The following SIM1 variants were observed in gnomAD, a reference collection of about 807,000 sequenced individuals.
The protein encoded by SIM1 is single-minded homolog 1.
A neutral mutation model predicts 78.2 loss-of-function variants in SIM1; 18 were observed. The observed-to-expected ratio is 0.23, with a 90% confidence interval of 0.16 to 0.34. The LOEUF (loss-of-function observed/expected upper bound fraction) is 0.34. Ranked by LOEUF, SIM1 falls within the 10% of genes least tolerant of loss-of-function variation. The pLI, the probability that SIM1 is intolerant of heterozygous loss-of-function variation, is 1.00. For synonymous variants in SIM1, 417 were observed against 385.2 expected, an observed-to-expected ratio of 1.08 and a Z score of -0.97; for missense variants, 939 against 975.1, an observed-to-expected ratio of 0.96 and a Z score of 0.49.
chr6:100,462,712 T>C (rs538812743), intron 2 of SIM1: 1 of 152,342 alleles, frequency 6.6e-6, no homozygotes, highest in South Asian at 2.1e-4. Context: ...CCAGAGTTAG[T>C]TTCAGAATCT....
chr6:100,460,379 C>T (rs1351445619), intron 2 of SIM1, among the ~76,000 whole-genome samples: 4 of 152,118 alleles, frequency 2.6e-5, no homozygotes, highest in Admixed American at 1.3e-4. Flanking sequence ...AGCCTTTTGG[C>T]ATTACAGTGT....
chr6:100,432,819 C>T (rs1030209291), intron 9 of SIM1, among the ~76,000 whole-genome samples: 1 of 152,182 alleles, frequency 6.6e-6, no homozygotes, highest in Admixed American at 6.5e-5. Flanking sequence ...CAACTGCTTA[C>T]ATGACATTTC....
rs758952413 is a variant in SIM1, at chr6:100,449,614, G to A, written c.434C>T (p.Pro145Leu). Reference sequence around the variant, plus strand: ...ACCCTGCACGAAGTGAGAGTGGTAGGGTTGATGGGCGGTGAGCACCGCCGT... The same window carrying A: ...ACCCTGCACGAAGTGAGAGTGGTAGAGTTGATGGGCGGTGAGCACCGCCGT... ...EMTAVLTAHQ[P>L]YHSHFVQEYE... The change falls in exon 5 of 12, where the codon CCC becomes CTC. Residue 145 changes from proline (P) to leucine (L), a missense_variant. Pro to Leu is a moderately conservative substitution (Grantham distance 98). Coordinates refer to ENST00000369208, the MANE Select transcript of SIM1 (RefSeq NM_005068.3). 6 of 1,614,104 alleles carry A rather than the reference G, an allele frequency of 3.7e-6. No individual in the cohort carries two copies. The highest frequency in any genetic ancestry group is 4.2e-6 in the Non-Finnish European group (5 of 1,179,952).
intron 9 of SIM1, among the ~76,000 whole-genome samples, chr6:100,446,448 G>T (rs1772358761): frequency 6.6e-6 from 1 of 152,280 alleles, no homozygotes; most frequent in South Asian, 2.1e-4. Context: ...ACACACAAGA[G>T]TTCTTCATAA....
intron 10 of SIM1, among the ~76,000 whole-genome samples, chr6:100,412,671 G>GAGAA (rs1161091580): frequency 2.5e-4 from 24 of 96,468 alleles, no homozygotes; most frequent in Non-Finnish European, 4.5e-4. Flanking sequence ...GAGAGAGAGA[G>GAGAA]AGAAAGAAAG....
At chr6:100,449,308 G>T (rs1037410455) in intron 6 of SIM1, 55 bp downstream of exon 6, 83 of 1,453,282 alleles carry the variant, frequency 5.7e-5, no homozygotes, top group Non-Finnish European at 7.8e-5. Context: ...CGCCGCACGC[G>T]CCTTGCTTCC....
At chr6:100,450,421 G>A in intron 3 of SIM1, 65 bp from the exon 4 acceptor site, 1 of 1,442,972 alleles carries the variant, frequency 6.9e-7, no homozygotes, top group African/African-American at 1.4e-5. Context: ...GGGAGCAGGA[G>A]GACAGAAGTT....
chr6:100,431,037 G>A lies in SIM1; in HGVS notation c.999-10079C>T, dbSNP rs557132445. 2.3e-4 allele frequency among the ~76,000 whole-genome samples: 35 copies of A among 152,272 alleles called. No individual in the cohort carries two copies. In the East Asian group the frequency reaches 2.7e-3, roughly 12 times the overall value. On this transcript the variant is annotated intron_variant, in intron 9 of 11. Transcript: ENST00000369208. ...CCCATAAGGCCAAACCTCACAGCAC[G>A]GTTGGAAGCTCTGCCCTTTTCTGTA...
chr6:100,450,281 A>G lies in SIM1; in HGVS notation c.334T>C (p.Leu112=). ...MYISETASVH[L]GLSQVELTGN... is the part of the protein sequence containing the mutation. ...CACTCACCTACCTGAGAAAGACCCA[A>G]GTGGACTGAGGCTGTCTCTGAGATG... The change falls in exon 4 of 12, where the codon TTG becomes CTG. Residue 112 remains leucine (L), a synonymous_variant. Transcript: ENST00000369208. 3.1e-6 allele frequency: 5 copies of G among 1,614,028 alleles called. No homozygotes were observed. Among genetic ancestry groups the G allele is most frequent in the South Asian group, 1.1e-5 (1 of 91,078 alleles).
chr6:100,452,349 C>T (rs1562256775), intron 3 of SIM1, among the ~76,000 whole-genome samples: 1 of 152,186 alleles, frequency 6.6e-6, no homozygotes, highest in Non-Finnish European at 1.5e-5. Context: ...TAAAGCTGCT[C>T]TCCTTAGAAT....
In SIM1 at chr6:100,389,701, A is replaced by C. The variant is rs1219819794; in HGVS notation, c.*660T>G. 2.5e-6 allele frequency: 1 copy of C among 398,884 alleles called. No homozygotes were observed. Among genetic ancestry groups the C allele is most frequent in the Non-Finnish European group, 4.4e-6 (1 of 226,040 alleles). 24.7% of individuals were successfully genotyped at this position (398,884 alleles called of 1,614,324 possible). Reference sequence around the variant, plus strand: ...CCTGGTCCTTGTCTAACTGAAAAGCAAGGTGAAAAATTACCTCTTCCTGAT... The same window carrying C: ...CCTGGTCCTTGTCTAACTGAAAAGCCAGGTGAAAAATTACCTCTTCCTGAT... On this transcript the variant is annotated 3_prime_UTR_variant, in exon 12 of 12. Transcript: ENST00000369208.
chr6:100,455,771 A>C (rs1772634726), intron 2 of SIM1, among the ~76,000 whole-genome samples: 1 of 152,172 alleles, frequency 6.6e-6, no homozygotes, highest in South Asian at 2.1e-4. Context: ...GCGGTTCCCG[A>C]AGGGTGCGAA....
At chr6:100,398,974 G>T (rs182868122) in intron 10 of SIM1, among the ~76,000 whole-genome samples, 272 of 151,386 alleles carry the variant, frequency 1.8e-3, no homozygotes, top group Non-Finnish European at 2.8e-3. Context: ...TGTAGTAGTA[G>T]TAGTAGTAGC....
Position 100,420,879 on chromosome 6 carries a change from A to C in SIM1, c.1078T>G (p.Ser360Ala), listed in dbSNP as rs1249701308. 6.2e-7 allele frequency: 1 copy of C among 1,613,904 alleles called. No homozygotes were observed. The highest frequency in any genetic ancestry group is 8.5e-7 in the Non-Finnish European group (1 of 1,179,932). The change falls in exon 10 of 12, where the codon TCC (serine) becomes GCC (alanine). Residue 360 changes from serine (S) to alanine (A), a missense_variant. Physicochemically the swap from Ser to Ala is moderately conservative, Grantham distance 99. Around this residue, in one of 5 missense-constraint regions of SIM1, gnomAD observed 556 missense variants for 521.9 expected, o/e 1.07. Transcript: ENST00000369208. ...SKPAFSYTSS[S>A]TPTMTDNRKG... ...CTGTTGTCAGTCATGGTGGGGGTGG[A>C]GCTGCTGGTATAGGAGAAGGCTGGT... is the stretch of plus-strand genomic sequence containing the variant.
chr6:100,427,627 C>T (rs1408153801), intron 9 of SIM1, among the ~76,000 whole-genome samples: 1 of 152,180 alleles, frequency 6.6e-6, no homozygotes, highest in East Asian at 1.9e-4. Context: ...GTCAGTCAGC[C>T]TCATAACAGA....
chr6:100,441,687 T>C (rs1772220852), intron 9 of SIM1, among the ~76,000 whole-genome samples: 1 of 152,122 alleles, frequency 6.6e-6, no homozygotes, highest in Non-Finnish European at 1.5e-5. Flanking sequence ...AAAATGAAAA[T>C]GTCCTTAGTG....
In SIM1 at chr6:100,390,643, T is replaced by C. The variant is rs1770613844; in HGVS notation, c.2019A>G (p.Leu673=). ...SDRISKSSLI[L]AKDYLHSDIS... ...TATCCGAATGCAGATAGTCTTTAGC[T>C]AGGATCAAACTGGATTTTGAAATGC... The change falls in exon 12 of 12, where the codon CTA becomes CTG. Residue 673 remains leucine, a synonymous_variant. Transcript: ENST00000369208. 3 of 1,614,100 alleles carry C rather than the reference T, an allele frequency of 1.9e-6. No individual in the cohort carries two copies. Among genetic ancestry groups the C allele is most frequent in the African/African-American group, 1.3e-5 (1 of 74,944 alleles).
chr6:100,391,660 A>G (rs541375719), intron 11 of SIM1, among the ~76,000 whole-genome samples: 2 of 152,330 alleles, frequency 1.3e-5, no homozygotes, highest in East Asian at 1.9e-4. Context: ...GGTTACAATA[A>G]AGCTCTAATG....
At chr6:100,455,370 TG>T (rs1159929865) in intron 2 of SIM1, among the ~76,000 whole-genome samples, 11 of 152,264 alleles carry the variant, frequency 7.2e-5, no homozygotes, top group Non-Finnish European at 1.5e-4. Flanking sequence ...TCCACTGCCC[TG>T]GTCCCTGGGG....
Sources: allele counts gnomAD v4.1 joint callset (sites outside exome capture counted in the v4.1 genomes callset), GRCh38; gene constraint gnomAD v4.1.1; regional missense constraint gnomAD v4.1.1; transcripts MANE v1.5; gene names NCBI Gene and HGNC (gene_info 2026-07-23, HGNC 2026-07-21).